Variants in ARID5B observed in about 807,000 individuals in gnomAD.
The protein encoded by ARID5B is AT-rich interaction domain 5B.
Under a neutral mutation model 97.2 loss-of-function variants are expected in ARID5B, and 13 were observed. That is an observed-to-expected ratio of 0.13 (90% CI 0.09 to 0.21). ARID5B has a LOEUF of 0.21. Ranked by LOEUF, ARID5B falls within the 10% of genes least tolerant of loss-of-function variation. The pLI is 1.00. For missense variants in ARID5B, 1,210 were observed against 1,465.3 expected (o/e 0.83, Z 2.84); for synonymous variants, 556 against 570.3 (o/e 0.97, Z 0.36).
At chr10:62,085,090 A>C (rs1411576645) in intron 8 of ARID5B, among the ~76,000 whole-genome samples, 1 of 152,242 alleles carries the variant, frequency 6.6e-6, no homozygotes, top group Non-Finnish European at 1.5e-5. Flanking sequence ...TCTCACCTCT[A>C]ACAAATGGTA....
chr10:61,943,883 C>T (rs2132801682), intron 3 of ARID5B, among the ~76,000 whole-genome samples: 1 of 151,908 alleles, frequency 6.6e-6, no homozygotes, highest in East Asian at 1.9e-4. Context: ...TTTTTATCCC[C>T]TTCCCCCTTG....
Position 61,961,346 on chromosome 10 carries a change from G to A in ARID5B, c.502+20938G>A, listed in dbSNP as rs922758164. On this transcript the variant is annotated intron_variant, in intron 3 of 9. Coordinates refer to ENST00000279873, the MANE Select transcript of ARID5B (RefSeq NM_032199.3). ...ACCACCTAACATTGACTTGGGTACC[G>A]CTAGTGTATACCACAGTTAAGTCAT... Among the ~76,000 whole-genome samples the A allele has an allele frequency of 3.3e-5, 5 of 152,092 alleles. No homozygotes were observed. The East Asian group carries it at 7.7e-4, about 23-fold the overall frequency.
At chr10:62,057,392 CTCAGGAT>C in intron 6 of ARID5B, 74 bp downstream of exon 6, 3 of 1,435,330 alleles carry the variant, frequency 2.1e-6, no homozygotes, top group Non-Finnish European at 2.9e-6. Context: ...ATAATTTTGA[CTCAGGAT>C]TATGTTGAAA....
intron 2 of ARID5B, among the ~76,000 whole-genome samples, chr10:61,918,385 T>C (rs1214811366): frequency 1.1e-4 from 16 of 152,204 alleles, no homozygotes; most frequent in Non-Finnish European, 1.5e-5. Flanking sequence ...GAGATGCTTA[T>C]GGGCATAGAG....
chr10:62,051,977 A>G (rs778434037), intron 5 of ARID5B, among the ~76,000 whole-genome samples: 61 of 152,134 alleles, frequency 4.0e-4, no homozygotes, highest in Non-Finnish European at 3.4e-4. Flanking sequence ...TTTCTCTGCC[A>G]TGTACTCTAC....
intron 3 of ARID5B, among the ~76,000 whole-genome samples, chr10:61,966,716 G>C (rs1367998764): frequency 2.0e-5 from 3 of 152,116 alleles, no homozygotes; most frequent in African/African-American, 7.2e-5. Context: ...GCTTTCAAGA[G>C]CTCCTGAAAT....
chr10:61,923,336 G>T (rs899083898), intron 2 of ARID5B, among the ~76,000 whole-genome samples: 1 of 152,020 alleles, frequency 6.6e-6, no homozygotes, highest in Non-Finnish European at 1.5e-5. Flanking sequence ...AGTCATCCCC[G>T]CTTCCACCCC....
At chr10:62,050,639 G>A (rs1052111610) in intron 4 of ARID5B, among the ~76,000 whole-genome samples, 1 of 152,158 alleles carries the variant, frequency 6.6e-6, no homozygotes, top group East Asian at 1.9e-4. Flanking sequence ...TAAGAGCTTC[G>A]TGTTACTTCT....
At chr10:61,963,843 A>C (rs1838507608) in intron 3 of ARID5B, among the ~76,000 whole-genome samples, 1 of 151,978 alleles carries the variant, frequency 6.6e-6, no homozygotes, top group African/African-American at 2.4e-5. Flanking sequence ...GCACCGGGGA[A>C]GAAATGACCT....
At chr10:61,959,547 T>C (rs546647865) in intron 3 of ARID5B, among the ~76,000 whole-genome samples, 1 of 152,278 alleles carries the variant, frequency 6.6e-6, no homozygotes, top group East Asian at 1.9e-4. Flanking sequence ...AACTGATGGA[T>C]AATTTTTGTG....
At chr10:62,052,489 T>C (rs1174427296) in intron 5 of ARID5B, among the ~76,000 whole-genome samples, 3 of 152,248 alleles carry the variant, frequency 2.0e-5, no homozygotes, top group Non-Finnish European at 1.5e-5. Flanking sequence ...ATTTGTTTAC[T>C]CCAGCATATT....
chr10:62,021,857 G>A (rs1479537414), intron 4 of ARID5B, among the ~76,000 whole-genome samples: 5 of 152,176 alleles, frequency 3.3e-5, no homozygotes, highest in Non-Finnish European at 5.9e-5. Context: ...GGGTCTTTAA[G>A]AAACCAGTGC....
At chr10:61,938,756 A>G (rs1049455676) in intron 2 of ARID5B, among the ~76,000 whole-genome samples, 4 of 152,112 alleles carry the variant, frequency 2.6e-5, no homozygotes, top group African/African-American at 7.2e-5. Context: ...TTCCATTACT[A>G]AAGTTTTACT....
rs143525702 is a variant in ARID5B at position 61,936,935 on chromosome 10, G to A, written c.277-3248G>A. Among the ~76,000 whole-genome samples the A allele has an allele frequency of 5.1e-3, 769 of 152,004 alleles. 25 individuals are homozygous for A. Among genetic ancestry groups the A allele is most frequent in the Admixed American group, 0.045 (681 of 15,272 alleles). ...CAGTGTTCCACAGCAAGTAAATTCCGGGGCTGGAATTTGAACCCAAGCAAT... is the reference window on the plus strand; with the variant it reads ...CAGTGTTCCACAGCAAGTAAATTCCAGGGCTGGAATTTGAACCCAAGCAAT... On this transcript the variant is annotated intron_variant, in intron 2 of 9. Transcript: ENST00000279873.
At chr10:61,929,265 A>G (rs947383918) in intron 2 of ARID5B, among the ~76,000 whole-genome samples, 1 of 152,194 alleles carries the variant, frequency 6.6e-6, no homozygotes, top group African/African-American at 2.4e-5. Flanking sequence ...AAATGCTACA[A>G]AGTACATTTT....
At chr10:62,003,279 A>G (rs1459584574) in intron 4 of ARID5B, among the ~76,000 whole-genome samples, 17 of 152,302 alleles carry the variant, frequency 1.1e-4, no homozygotes, top group Admixed American at 9.2e-4. Flanking sequence ...AAGAAAGTCA[A>G]TGATTAAGTA....
At chr10:61,991,214 C>A (rs994160883) in intron 3 of ARID5B, among the ~76,000 whole-genome samples, 3 of 152,060 alleles carry the variant, frequency 2.0e-5, no homozygotes, top group Non-Finnish European at 4.4e-5. Flanking sequence ...GGAGTATATA[C>A]CTAGGAGTGG....
chr10:62,048,398 G>A (rs1345509348), intron 4 of ARID5B, among the ~76,000 whole-genome samples: 1 of 152,144 alleles, frequency 6.6e-6, no homozygotes, highest in Admixed American at 6.5e-5. Context: ...ATAAGAGAAG[G>A]AGGGAAAAAA....
At chr10:62,055,400 AG>A (rs1396750362) in intron 5 of ARID5B, among the ~76,000 whole-genome samples, 2 of 152,198 alleles carry the variant, frequency 1.3e-5, no homozygotes, top group African/African-American at 4.8e-5. Flanking sequence ...TCGGGTTTTA[AG>A]TTTGAAATAA....
Sources: gnomAD v4.1 joint callset for allele counts (sites outside exome capture counted in the v4.1 genomes callset) on GRCh38, gnomAD v4.1.1 for gene constraint, MANE v1.5 for transcripts, NCBI Gene and HGNC (gene_info 2026-07-23, HGNC 2026-07-21) for gene names.